Variants in DROSHA observed in about 807,000 individuals in gnomAD.
DROSHA encodes ribonuclease 3.
DROSHA carries 56 observed loss-of-function variants against 181.9 expected under a neutral mutation model. The ratio of observed to expected loss-of-function variants is 0.31; its 90% CI spans 0.25 to 0.38. The LOEUF is 0.38. Among genes scored for constraint, DROSHA ranks in the 10% least tolerant of loss-of-function variants. The pLI, the probability that DROSHA is intolerant of heterozygous loss-of-function variation, is 1.00. For synonymous variants in DROSHA, 524 were observed against 591.2 expected, an observed-to-expected ratio of 0.89 and a Z score of 1.65; for missense variants, 1,218 against 1,743.5, an observed-to-expected ratio of 0.70 and a Z score of 5.37.
Position 31,530,912 on chromosome 5 carries a change from C to T in DROSHA, c.-161G>A, listed in dbSNP as rs758538145. ...GTCATTTCTGTATCCTTCACATCCC[C>T]GGGAAAAGCAACCTACACACAGTAG... On this transcript the variant is annotated 5_prime_UTR_variant, in exon 3 of 36. Transcript: ENST00000344624. 137 of 398,410 alleles carry T rather than the reference C, an allele frequency of 3.4e-4. No individual in the cohort carries two copies. Among genetic ancestry groups the T allele is most frequent in the Non-Finnish European group, 8.8e-5 (20 of 226,048 alleles). 24.7% of individuals were successfully genotyped at this position (398,410 alleles called of 1,614,324 possible).
intron 20 of DROSHA, among the ~76,000 whole-genome samples, chr5:31,454,918 C>T (rs151266496): frequency 0.025 from 2,969 of 118,828 alleles, 179 homozygotes; most frequent in East Asian, 0.24. Flanking sequence ...CCAGCCTGGG[C>T]GACAGAGAGA....
chr5:31,480,897 G>T (rs1580241540), intron 16 of DROSHA, among the ~76,000 whole-genome samples: 1 of 152,212 alleles, frequency 6.6e-6, no homozygotes, highest in Non-Finnish European at 1.5e-5. Context: ...TGCTAAAAAT[G>T]AATAATAATG....
rs140994253 is a variant in DROSHA, at chr5:31,502,308, G to C, written c.1668+2247C>G. On this transcript the variant is annotated intron_variant, in intron 11 of 35. Transcript: ENST00000344624. ...AGATCCTATAATGTTGGTGGGAAAA[G>C]TTGCCAAAAGGAATCTGTTGCAGGC... Among the ~76,000 whole-genome samples the C allele has an allele frequency of 1.5e-3, 229 of 152,346 alleles. 1 individual carries two copies. The highest frequency in any genetic ancestry group is 5.0e-3 in the African/African-American group (209 of 41,582).
chr5:31,496,544 C>CT (rs1419327776), intron 11 of DROSHA, among the ~76,000 whole-genome samples: 2 of 152,228 alleles, frequency 1.3e-5, no homozygotes, highest in African/African-American at 4.8e-5. Context: ...CTGAAACATG[C>CT]TTAAATGTTC....
At position 31,422,338 on chromosome 5, in the gene DROSHA, C is replaced by T. The variant is rs1474220787; in HGVS notation, c.3419+449G>A. ...ACTAGCTCACCTTCAAATCATTCAT[C>T]TAGAGCAGGGGTCAGAGAGCCAAAT... On this transcript the variant is annotated intron_variant, in intron 29 of 35. Transcript: ENST00000344624. 2.6e-5 allele frequency among the ~76,000 whole-genome samples: 4 copies of T among 152,076 alleles called. No homozygotes were observed. In the South Asian group the frequency reaches 8.3e-4, roughly 31 times the overall value.
chr5:31,466,097 C>T, intron 19 of DROSHA, 85 bp downstream of exon 19: 4 of 1,321,330 alleles, frequency 3.0e-6, no homozygotes, highest in African/African-American at 1.5e-5. Context: ...CATCTTGTAC[C>T]AGAAGTATAG....
intron 13 of DROSHA, 68 bp downstream of exon 13, chr5:31,493,139 G>T: frequency 1.4e-6 from 2 of 1,459,588 alleles, no homozygotes; most frequent in South Asian, 1.3e-5. Flanking sequence ...GAAATGTTTT[G>T]ACTTTTGGAA....
At chr5:31,427,708 C>A (rs992869170) in intron 27 of DROSHA, among the ~76,000 whole-genome samples, 1 of 152,192 alleles carries the variant, frequency 6.6e-6, no homozygotes, top group Non-Finnish European at 1.5e-5. Context: ...TCTCCACCCC[C>A]ACAACACAGC....
chr5:31,516,291 T>A (rs1739266082), intron 6 of DROSHA, among the ~76,000 whole-genome samples: 2 of 152,192 alleles, frequency 1.3e-5, no homozygotes, highest in Admixed American at 6.5e-5. Context: ...AGGGTAGATT[T>A]TAATTTAAGC....
At chr5:31,481,347 G>A (rs185058991) in intron 16 of DROSHA, among the ~76,000 whole-genome samples, 9 of 152,194 alleles carry the variant, frequency 5.9e-5, no homozygotes, top group Non-Finnish European at 1.0e-4. Context: ...ACATAGTTAC[G>A]TGAGAGTTGA....
intron 18 of DROSHA, among the ~76,000 whole-genome samples, chr5:31,466,733 A>G (rs1022995956): frequency 1.3e-5 from 2 of 152,240 alleles, no homozygotes; most frequent in African/African-American, 4.8e-5. Context: ...GAAGAGTATT[A>G]GAATAGAGAA....
At chr5:31,484,647 T>A (rs1453997017) in intron 15 of DROSHA, among the ~76,000 whole-genome samples, 7 of 152,150 alleles carry the variant, frequency 4.6e-5, no homozygotes, top group Non-Finnish European at 1.0e-4. Flanking sequence ...ACTGGTACCA[T>A]CTTCAAGCCG....
At position 31,464,287 on chromosome 5, in the gene DROSHA, C is replaced by G; in HGVS notation, c.2523G>C (p.Glu841Asp). The G allele has an allele frequency of 6.2e-7, 1 of 1,613,430 alleles. No individual in the cohort carries two copies. Among genetic ancestry groups the G allele is most frequent in the Non-Finnish European group, 8.5e-7 (1 of 1,179,654 alleles). The change falls in exon 20 of 36, where the codon GAG becomes GAC. Residue 841 changes from glutamate to aspartate, a missense_variant. By Grantham distance (45) the Glu-to-Asp change is conservative. Transcript: ENST00000344624. ...TTTTCCAGAATCCTTGGCTACTTAGCTCCACCGTTACTTCTCGTCTCATTG... is the reference window on the plus strand; with the variant it reads ...TTTTCCAGAATCCTTGGCTACTTAGGTCCACCGTTACTTCTCGTCTCATTG... ...KNTMRREVTV[E>D]LSSQGFWKTG... is the part of the protein sequence containing the mutation.
At chr5:31,429,933 C>A (rs1306489580) in intron 26 of DROSHA, among the ~76,000 whole-genome samples, 1 of 151,730 alleles carries the variant, frequency 6.6e-6, no homozygotes, top group Non-Finnish European at 1.5e-5. Context: ...TATATAGATA[C>A]CTAAGGAAAA....
intron 6 of DROSHA, among the ~76,000 whole-genome samples, chr5:31,520,602 A>G (rs7719497): frequency 0.44 from 67,329 of 151,978 alleles, 15,210 homozygotes; most frequent in South Asian, 0.5. Flanking sequence ...TTGCCCAGTA[A>G]TAAAATTGGG....
intron 33 of DROSHA, 181 bp from the exon 34 acceptor site, chr5:31,407,126 C>G (rs925131243): frequency 3.3e-5 from 13 of 396,286 alleles, no homozygotes; most frequent in Admixed American, 8.8e-5. Context: ...CGACAAATAT[C>G]GAGAGCATTT....
chr5:31,501,560 G>A (rs1420366795), intron 11 of DROSHA, among the ~76,000 whole-genome samples: 1 of 152,074 alleles, frequency 6.6e-6, no homozygotes, highest in Non-Finnish European at 1.5e-5. Flanking sequence ...ATATAGGGGA[G>A]ATGGTACCGG....
intron 30 of DROSHA, among the ~76,000 whole-genome samples, chr5:31,413,731 T>C (rs111497981): frequency 3.9e-4 from 59 of 152,288 alleles, no homozygotes; most frequent in African/African-American, 1.4e-3. Flanking sequence ...TGCAGATACA[T>C]GCAGGTGCTC....
At chr5:31,494,517 T>C (rs1178318062) in intron 12 of DROSHA, among the ~76,000 whole-genome samples, 1 of 152,024 alleles carries the variant, frequency 6.6e-6, no homozygotes, top group Non-Finnish European at 1.5e-5. Context: ...CCAGGCATAG[T>C]GGCACATGCC....
Sources: gnomAD v4.1 joint callset for allele counts (sites outside exome capture counted in the v4.1 genomes callset) on GRCh38, gnomAD v4.1.1 for gene constraint, MANE v1.5 for transcripts, NCBI Gene and HGNC (gene_info 2026-07-23, HGNC 2026-07-21) for gene names.